GSE1: variants seen among roughly 807,000 people sequenced by gnomAD.
The protein encoded by GSE1 is Gse1 coiled-coil protein.
A neutral mutation model predicts 112.6 loss-of-function variants in GSE1; 32 were observed. The ratio of observed to expected loss-of-function variants is 0.28; its 90% CI spans 0.21 to 0.38. The LOEUF (loss-of-function observed/expected upper bound fraction) is 0.38, where lower values mean the gene tolerates loss of function less well. Ranked by LOEUF, GSE1 falls within the 10% of genes least tolerant of loss-of-function variation. The pLI is 1.00. For synonymous variants in GSE1, 1,115 were observed against 735.6 expected (o/e 1.52, Z -8.35); for missense variants, 2,348 against 1,699.2 (o/e 1.38, Z -6.71).
chr16:85,515,769 C>G (rs377650178), intron 2 of GSE1, among the ~76,000 whole-genome samples: 1 of 152,178 alleles, frequency 6.6e-6, no homozygotes, highest in East Asian at 1.9e-4. Context: ...GGAACCTGCT[C>G]TTCAGTGGCC....
chr16:85,573,345 G>A (rs1481187321), intron 1 of GSE1, among the ~76,000 whole-genome samples: 1 of 152,120 alleles, frequency 6.6e-6, no homozygotes. Flanking sequence ...GATAGACCAC[G>A]TTCTGTTTCT....
chr16:85,363,399 G>A (rs2047123350), intron 2 of GSE1, among the ~76,000 whole-genome samples: 1 of 152,204 alleles, frequency 6.6e-6, no homozygotes, highest in Admixed American at 6.5e-5. Flanking sequence ...GTTCTCAGCA[G>A]TGCTTGCTCC....
At chr16:85,610,776 G>A (rs1354345605), upstream of GSE1, among the ~76,000 whole-genome samples, 1 of 152,228 alleles carries the variant, frequency 6.6e-6, no homozygotes, top group Non-Finnish European at 1.5e-5. Context: ...GCAGTTTGGG[G>A]CGCAGCTTGC....
At chr16:85,183,749 T>A (rs1243895556) in intron 1 of GSE1, among the ~76,000 whole-genome samples, 2 of 152,188 alleles carry the variant, frequency 1.3e-5, no homozygotes, top group Non-Finnish European at 2.9e-5. Flanking sequence ...ATTATCCCCA[T>A]TTTACAGATG....
chr16:85,379,476 G>C (rs763015007), intron 2 of GSE1, among the ~76,000 whole-genome samples: 3 of 152,168 alleles, frequency 2.0e-5, no homozygotes, highest in Non-Finnish European at 4.4e-5. Context: ...AAGATTCCAG[G>C]AGGTCTCCCT....
At chr16:85,310,729 C>T (rs1396640426) in intron 1 of GSE1, among the ~76,000 whole-genome samples, 1 of 152,040 alleles carries the variant, frequency 6.6e-6, no homozygotes, top group African/African-American at 2.4e-5. Context: ...GGAAGGGGAG[C>T]GCACCCAGTC....
chr16:85,305,813 C>T (rs1204948577), intron 1 of GSE1, among the ~76,000 whole-genome samples: 1 of 152,120 alleles, frequency 6.6e-6, no homozygotes, highest in Non-Finnish European at 1.5e-5. Context: ...TGGTGGACCG[C>T]ACATGGTGTC....
At chr16:85,208,506 G>T (rs946124632) in intron 1 of GSE1, among the ~76,000 whole-genome samples, 1 of 152,104 alleles carries the variant, frequency 6.6e-6, no homozygotes, top group Admixed American at 6.5e-5. Flanking sequence ...ACTCCTTCAG[G>T]TCCTCGTCCC....
intron 1 of GSE1, among the ~76,000 whole-genome samples, chr16:85,615,792 G>T (rs900299962): frequency 1.3e-5 from 2 of 152,188 alleles, no homozygotes; most frequent in Non-Finnish European, 2.9e-5. Context: ...TGCTGGCCAG[G>T]CCTTTCCAAG....
At chr16:85,270,736 G>C (rs1041000257) in intron 1 of GSE1, among the ~76,000 whole-genome samples, 1 of 126,118 alleles carries the variant, frequency 7.9e-6, no homozygotes, top group Non-Finnish European at 2.0e-5. Flanking sequence ...CCGCCAGCTG[G>C]AGAGAATGTC....
intron 1 of GSE1, among the ~76,000 whole-genome samples, chr16:85,212,895 A>AGGCGG (rs2075249210): frequency 6.6e-6 from 1 of 152,206 alleles, no homozygotes; most frequent in Non-Finnish European, 1.5e-5. Context: ...TGGGAGGCCG[A>AGGCGG]GGCGGGAAGA....
In GSE1 at chr16:85,235,580, G is replaced by C. The variant is rs1178440120; in HGVS notation, c.2283+63773G>C. Among the ~76,000 whole-genome samples the C allele has an allele frequency of 1.7e-4, 25 of 150,290 alleles. 1 individual carries two copies. The highest frequency in any genetic ancestry group is 3.3e-4 in the Non-Finnish European group (22 of 67,094). On this transcript the variant is annotated intron_variant, in intron 1 of 2. Coordinates refer to the GSE1 transcript ENST00000637419. Reference sequence around the variant, plus strand: ...GACTATATGTGTGTGTGTGGGTGGGGGGGGGGCGCGTGTTCTCGCCCCTCC... The same window carrying C: ...GACTATATGTGTGTGTGTGGGTGGGCGGGGGGCGCGTGTTCTCGCCCCTCC...
At chr16:85,485,665 G>A (rs947122171) in intron 2 of GSE1, among the ~76,000 whole-genome samples, 3 of 152,258 alleles carry the variant, frequency 2.0e-5, no homozygotes, top group Admixed American at 6.5e-5. Context: ...AGCCCGCCGG[G>A]CCAGCTTGTC....
At chr16:85,362,066 C>A (rs2047093590) in intron 2 of GSE1, among the ~76,000 whole-genome samples, 2 of 152,258 alleles carry the variant, frequency 1.3e-5, no homozygotes, top group South Asian at 4.1e-4. Context: ...GGGAGTACAG[C>A]TCCAGGGCTG....
intron 1 of GSE1, among the ~76,000 whole-genome samples, chr16:85,228,225 T>G (rs993055028): frequency 1.3e-5 from 2 of 152,214 alleles, no homozygotes; most frequent in Non-Finnish European, 2.9e-5. Context: ...GAGTCAAGTC[T>G]GGGGGTAGTG....
chr16:85,640,210 C>A (rs1272779081), intron 2 of GSE1, among the ~76,000 whole-genome samples: 1 of 152,070 alleles, frequency 6.6e-6, no homozygotes, highest in African/African-American at 2.4e-5. Context: ...TTGTCACCAG[C>A]CCGGTGGCCG....
chr16:85,365,633 C>T (rs1473915057), intron 2 of GSE1, among the ~76,000 whole-genome samples: 2 of 152,200 alleles, frequency 1.3e-5, no homozygotes, highest in Non-Finnish European at 2.9e-5. Flanking sequence ...TGTGCATTGC[C>T]TGGAAGGTGA....
intron 2 of GSE1, among the ~76,000 whole-genome samples, chr16:85,432,349 C>G (rs2049142218): frequency 6.6e-6 from 1 of 152,210 alleles, no homozygotes; most frequent in Non-Finnish European, 1.5e-5. Flanking sequence ...GAAGTGAAAC[C>G]TCCTCCCCAG....
chr16:85,420,762 C>T (rs2048822104), intron 2 of GSE1, among the ~76,000 whole-genome samples: 2 of 152,210 alleles, frequency 1.3e-5, no homozygotes, highest in African/African-American at 4.8e-5. Flanking sequence ...GGGCAGGTGG[C>T]TTCCTCTCGC....
Sources: allele counts gnomAD v4.1 joint callset (sites outside exome capture counted in the v4.1 genomes callset), GRCh38; gene constraint gnomAD v4.1.1; transcripts MANE v1.5; gene names NCBI Gene and HGNC (gene_info 2026-07-23, HGNC 2026-07-21).